The following SUN1 variants were observed in gnomAD, a reference collection of about 807,000 sequenced individuals.
The protein encoded by SUN1 is SUN domain-containing protein 1.
Under a neutral mutation model 103.2 loss-of-function variants are expected in SUN1, and 61 were observed. The observed-to-expected ratio is 0.59, with a 90% CI of 0.48 to 0.73. SUN1 has a LOEUF of 0.73. SUN1 is among the 30% of genes least tolerant of loss of function. The probability of loss-of-function intolerance (pLI) is 0.00; values close to 1 mark genes in which losing one functional copy is unlikely to be tolerated. For synonymous variants in SUN1, 490 were observed against 425.7 expected (o/e 1.15, Z -1.86); for missense variants, 1,052 against 1,034.6 (o/e 1.02, Z -0.23).
At chr7:839,383 C>T (rs1470983065) in intron 2 of SUN1, among the ~76,000 whole-genome samples, 1 of 152,190 alleles carries the variant, frequency 6.6e-6, no homozygotes, top group South Asian at 2.1e-4. Flanking sequence ...ATCTCCGTGT[C>T]CAGTTCATTC....
In SUN1 at chr7:853,564, C is replaced by T. The variant is rs376921792; in HGVS notation, c.1209C>T (p.Gly403=). ...LQARVDQMEG[G]AAGPSASVRD... ...CTCGGGTGGACCAGATGGAAGGCGG[C>T]GCTGCCGGGCCGTCAGCTTCGGTCA... The change falls in exon 10 of 19, where the codon GGC becomes GGT. Residue 403 remains glycine (G), a synonymous_variant. Transcript: ENST00000401592. 12 of 1,610,722 alleles carry T rather than the reference C, an allele frequency of 7.5e-6. No individual in the cohort carries two copies. The highest frequency in any genetic ancestry group is 5.3e-5 in the African/African-American group (4 of 74,926).
At chr7:862,924 G>T (rs1282072011) in intron 15 of SUN1, among the ~76,000 whole-genome samples, 1 of 152,190 alleles carries the variant, frequency 6.6e-6, no homozygotes, top group Non-Finnish European at 1.5e-5. Flanking sequence ...GACCAAGGCA[G>T]GCAGATCACA....
upstream of SUN1, chr7:816,282 C>A (rs867520827): frequency 5.1e-6 from 1 of 197,842 alleles, no homozygotes; most frequent in Non-Finnish European, 9.7e-6. Context: ...AGATGCAAAC[C>A]CCCCCCAGCA....
intron 15 of SUN1, among the ~76,000 whole-genome samples, chr7:864,263 T>C (rs1391127184): frequency 6.6e-6 from 1 of 152,126 alleles, no homozygotes; most frequent in Non-Finnish European, 1.5e-5. Flanking sequence ...AAATGCACAA[T>C]TAGGCCAGGT....
Position 838,916 on chromosome 7 carries a change from G to A in SUN1, c.196G>A (p.Gly66Arg). The A allele has an allele frequency of 6.2e-7, 1 of 1,611,428 alleles. No individual in the cohort carries two copies. Among genetic ancestry groups the A allele is most frequent in the Non-Finnish European group, 8.5e-7 (1 of 1,179,246 alleles). The change falls in exon 2 of 19, where the codon GGG becomes AGG. Residue 66 changes from glycine (G) to arginine (R), a missense_variant. Gly to Arg is a moderately radical substitution (Grantham distance 125). Transcript: ENST00000401592. ...LRLATTACTL[G>R]DGEAVGADSG... ...CCTGGCCACGACAGCATGCACCCTGGGGGATGGTGAGGCTGTGGGTGCCGA... is the reference window on the plus strand; with the variant it reads ...CCTGGCCACGACAGCATGCACCCTGAGGGATGGTGAGGCTGTGGGTGCCGA...
At chr7:840,818 T>C (rs1441944962) in intron 2 of SUN1, among the ~76,000 whole-genome samples, 3 of 151,312 alleles carry the variant, frequency 2.0e-5, no homozygotes, top group Non-Finnish European at 2.9e-5. Context: ...ATTTTTTGTA[T>C]TTTTAGTAGA....
upstream of SUN1, among the ~76,000 whole-genome samples, chr7:829,497 G>A (rs973861103): frequency 6.6e-6 from 1 of 151,978 alleles, no homozygotes; most frequent in African/African-American, 2.4e-5. Context: ...TTAGGGTAGG[G>A]TGAACAAATC....
intron 1 of SUN1, among the ~76,000 whole-genome samples, chr7:825,488 T>C (rs933424204): frequency 7.2e-5 from 11 of 152,362 alleles, no homozygotes; most frequent in African/African-American, 2.6e-4. Context: ...TCTAGTGTTA[T>C]TTTTCGAGAA....
intron 1 of SUN1, among the ~76,000 whole-genome samples, chr7:821,988 C>G (rs563879009): frequency 1.1e-4 from 16 of 152,292 alleles, no homozygotes; most frequent in African/African-American, 3.6e-4. Context: ...AGCCTGCCCT[C>G]GTTTTCTTCT....
chr7:852,135 A>G (rs1822801698), intron 7 of SUN1, 92 bp downstream of exon 7: 1 of 1,170,700 alleles, frequency 8.5e-7, no homozygotes, highest in Non-Finnish European at 1.3e-6. Flanking sequence ...TTTTGTAAGG[A>G]TTTAGCTTAT....
chr7:835,333 C>T (rs1320241843), intron 1 of SUN1, among the ~76,000 whole-genome samples: 1 of 152,218 alleles, frequency 6.6e-6, no homozygotes, highest in Non-Finnish European at 1.5e-5. Context: ...TCAACTTCCC[C>T]TGGAACTTCA....
intron 17 of SUN1, among the ~76,000 whole-genome samples, chr7:870,862 C>G (rs1467571238): frequency 6.6e-6 from 1 of 150,622 alleles, no homozygotes; most frequent in Non-Finnish European, 1.5e-5. Flanking sequence ...CACTGTGTTA[C>G]TAGCATTTTC....
At chr7:817,418 A>G (rs1045076234) in intron 1 of SUN1, 17 of 1,535,474 alleles carry the variant, frequency 1.1e-5, no homozygotes, top group Non-Finnish European at 1.5e-5. Context: ...CTGGTGCAAA[A>G]TAAGCAGCGG....
chr7:843,928 G>C, intron 5 of SUN1: 4 of 1,116,756 alleles, frequency 3.6e-6, no homozygotes, highest in Non-Finnish European at 4.4e-6. Flanking sequence ...TGTTCGTGTC[G>C]GGAAAACATT....
At chr7:838,347 G>A (rs1389978213) in intron 1 of SUN1, among the ~76,000 whole-genome samples, 1 of 152,202 alleles carries the variant, frequency 6.6e-6, no homozygotes, top group East Asian at 1.9e-4. Context: ...ATTTAGAAGG[G>A]GAGCATTGAC....
At chr7:848,680 G>A in intron 5 of SUN1, 1 of 1,185,318 alleles carries the variant, frequency 8.4e-7, no homozygotes, top group Non-Finnish European at 1.1e-6. Flanking sequence ...AAAGTGCTGT[G>A]ACTTTCCTCG....
intron 1 of SUN1, among the ~76,000 whole-genome samples, chr7:827,243 A>G (rs1172139348): frequency 6.6e-6 from 1 of 151,754 alleles, no homozygotes; most frequent in Non-Finnish European, 1.5e-5. Context: ...GCTGGTCTCA[A>G]ACTCCTAACC....
upstream of SUN1, chr7:832,179 A>T: frequency 7.3e-6 from 6 of 826,710 alleles, no homozygotes; most frequent in Non-Finnish European, 9.2e-6. Flanking sequence ...GGATTTAAAA[A>T]CACATCTTGA....
chr7:861,833 A>G (rs1832485065), intron 15 of SUN1, among the ~76,000 whole-genome samples: 2 of 152,246 alleles, frequency 1.3e-5, no homozygotes, highest in South Asian at 4.1e-4. Flanking sequence ...ACTCAGCAGC[A>G]AGACAGACCG....
Sources: allele counts gnomAD v4.1 joint callset (sites outside exome capture counted in the v4.1 genomes callset), GRCh38; gene constraint gnomAD v4.1.1; transcripts MANE v1.5; gene names NCBI Gene and HGNC (gene_info 2026-07-23, HGNC 2026-07-21).